Variants in RERG observed in about 807,000 individuals in gnomAD.
The protein encoded by RERG is RAS like estrogen regulated growth inhibitor, also known as ras-related and estrogen-regulated growth inhibitor.
Under a neutral mutation model 23.2 loss-of-function variants are expected in RERG, and 25 were observed. The ratio of observed to expected loss-of-function variants is 1.08; its 90% CI spans 0.79 to 1.50. The LOEUF is 1.50. Ranked by LOEUF, RERG falls within the 40% of genes most tolerant of loss-of-function variation. RERG has a pLI of 0.00. For synonymous variants in RERG, 81 were observed against 89.1 expected, an observed-to-expected ratio of 0.91 and a Z score of 0.51; for missense variants, 253 against 250.1, an observed-to-expected ratio of 1.01 and a Z score of -0.08.
At position 15,145,057 on chromosome 12, in the gene RERG, C is replaced by G. The variant is rs1203119255; in HGVS notation, c.62-23938G>C. Among the ~76,000 whole-genome samples, 3 of 152,240 alleles carry G rather than the reference C, an allele frequency of 2.0e-5. No homozygotes were observed. In the South Asian group the frequency reaches 6.2e-4, roughly 32 times the overall value. On this transcript the variant is annotated intron_variant, in intron 2 of 4. Coordinates refer to ENST00000256953, the MANE Select transcript of RERG (RefSeq NM_032918.3). Reference sequence around the variant, plus strand: ...TCCACTCCCCACAGGGAAGGTAAACCAGAGCACAGATGCAAAGAGAAATCA... The same window carrying G: ...TCCACTCCCCACAGGGAAGGTAAACGAGAGCACAGATGCAAAGAGAAATCA...
At chr12:15,204,067 G>A (rs1354909434) in intron 2 of RERG, among the ~76,000 whole-genome samples, 2 of 151,442 alleles carry the variant, frequency 1.3e-5, no homozygotes, top group African/African-American at 2.4e-5. Flanking sequence ...AATAGAAAAC[G>A]TAATTCTAAA....
intron 2 of RERG, among the ~76,000 whole-genome samples, chr12:15,166,543 AGTGGTGTTGGTG>A (rs952321692): frequency 1.8e-4 from 21 of 113,786 alleles, no homozygotes; most frequent in African/African-American, 4.0e-4. Flanking sequence ...TGGTGGTGGT[AGTGGTGTTGGTG>A]GTGGTGTTGG....
chr12:15,165,006 T>A (rs575562871), intron 2 of RERG, among the ~76,000 whole-genome samples: 2 of 152,290 alleles, frequency 1.3e-5, no homozygotes, highest in African/African-American at 4.8e-5. Context: ...CTCTTTGAGG[T>A]CTCAAACAGC....
rs149209109 is a variant in RERG, at chr12:15,202,591, C to T, written c.61+14838G>A. Among the ~76,000 whole-genome samples, 40 of 151,826 alleles carry T rather than the reference C, an allele frequency of 2.6e-4. 1 individual carries two copies. The highest frequency in any genetic ancestry group is 2.1e-3 in the Admixed American group (32 of 15,218). On this transcript the variant is annotated intron_variant, in intron 2 of 4. Coordinates refer to ENST00000256953, the MANE Select transcript of RERG (RefSeq NM_032918.3). ...CTTATTTCACTTAGCATAATGTTTT[C>T]CAGGCCCATCCATGTTGTTGCAAAT...
chr12:15,173,261 A>T (rs1166852816), intron 2 of RERG, among the ~76,000 whole-genome samples: 4 of 152,010 alleles, frequency 2.6e-5, no homozygotes, highest in Non-Finnish European at 5.9e-5. Flanking sequence ...TACCTCTGCC[A>T]AGGATCAATT....
chr12:15,133,204 A>G (rs185117940), intron 2 of RERG, among the ~76,000 whole-genome samples: 80 of 147,358 alleles, frequency 5.4e-4, no homozygotes, highest in African/African-American at 2.0e-3. Context: ...TATCATGTAG[A>G]ACAGTTTCAC....
intron 2 of RERG, 123 bp downstream of exon 2, chr12:15,217,304 TAA>T (rs1204194150): frequency 4.3e-6 from 3 of 699,854 alleles, no homozygotes; most frequent in Non-Finnish European, 7.7e-6. Flanking sequence ...AGACTTTATC[TAA>T]AAGAGTAAGA....
chr12:15,211,957 G>A (rs945088469), intron 2 of RERG, among the ~76,000 whole-genome samples: 2 of 151,398 alleles, frequency 1.3e-5, no homozygotes, highest in African/African-American at 4.9e-5. Context: ...TCACATTCAC[G>A]TGGTATGCAC....
At chr12:15,174,744 G>A (rs747436531) in intron 2 of RERG, among the ~76,000 whole-genome samples, 8 of 151,488 alleles carry the variant, frequency 5.3e-5, no homozygotes, top group Non-Finnish European at 1.0e-4. Flanking sequence ...TCTGCTCTTG[G>A]GCCTCTCTGG....
chr12:15,148,887 T>TTTTTTTTTTTTTTTTG lies in RERG; in HGVS notation c.62-27769_62-27768insCAAAAAAAAAAAAAAA, dbSNP rs1156302513. 2.4e-4 allele frequency among the ~76,000 whole-genome samples: 17 copies of TTTTTTTTTTTTTTTTG among 69,474 alleles called. 4 individuals carry two copies. The highest frequency in any genetic ancestry group is 4.3e-4 in the Non-Finnish European group (14 of 32,654). 45.6% of individuals were successfully genotyped at this position (69,474 alleles called of 152,430 possible). ...TTTTTTTTTTTTTTTTTTTTTTTTT[T>TTTTTTTTTTTTTTTTG]AGACAGAGTCTAGCTCTGTCACCCA... On this transcript the variant is annotated intron_variant, in intron 2 of 4. Transcript: ENST00000256953.
chr12:15,159,050 C>T (rs148128221), intron 2 of RERG, among the ~76,000 whole-genome samples: 84 of 152,236 alleles, frequency 5.5e-4, no homozygotes, highest in African/African-American at 1.6e-3. Flanking sequence ...TGATAATTTC[C>T]GAATGATAGT....
chr12:15,199,382 G>GT (rs1168012175), intron 2 of RERG, among the ~76,000 whole-genome samples: 2 of 150,950 alleles, frequency 1.3e-5, no homozygotes, highest in South Asian at 2.2e-4. Flanking sequence ...TTTATTTTTT[G>GT]TTTTTTGTTT....
At chr12:15,157,825 T>C (rs992488521) in intron 2 of RERG, among the ~76,000 whole-genome samples, 1 of 152,194 alleles carries the variant, frequency 6.6e-6, no homozygotes, top group Non-Finnish European at 1.5e-5. Flanking sequence ...AGAAAAAAGC[T>C]ATGAGAAAAG....
intron 2 of RERG, among the ~76,000 whole-genome samples, chr12:15,128,629 A>G (rs1166688931): frequency 1.3e-5 from 2 of 152,370 alleles, no homozygotes; most frequent in Admixed American, 6.5e-5. Flanking sequence ...AAGGGAGGCC[A>G]GATTGAGGTG....
At chr12:15,152,684 A>G (rs759391170) in intron 2 of RERG, among the ~76,000 whole-genome samples, 4 of 152,214 alleles carry the variant, frequency 2.6e-5, no homozygotes, top group Non-Finnish European at 5.9e-5. Context: ...CGCATGGACT[A>G]GGAATAGAAA....
chr12:15,139,610 T>A (rs1440019526), intron 2 of RERG, among the ~76,000 whole-genome samples: 1 of 152,206 alleles, frequency 6.6e-6, no homozygotes, highest in East Asian at 1.9e-4. Flanking sequence ...AATGTCAAAT[T>A]CCATCTGTTC....
chr12:15,161,668 C>A (rs1309552603), intron 2 of RERG, among the ~76,000 whole-genome samples: 1 of 152,116 alleles, frequency 6.6e-6, no homozygotes, highest in Non-Finnish European at 1.5e-5. Context: ...ATGTTAGGAG[C>A]CTGGACTTGA....
chr12:15,122,027 A>T (rs1591635698), intron 2 of RERG, among the ~76,000 whole-genome samples: 1 of 136,458 alleles, frequency 7.3e-6, no homozygotes, highest in South Asian at 2.4e-4. Context: ...GTGGTTTTAA[A>T]TTAAAAAAAA....
chr12:15,126,411 G>A (rs1863943401), intron 2 of RERG, among the ~76,000 whole-genome samples: 1 of 151,796 alleles, frequency 6.6e-6, no homozygotes, highest in African/African-American at 2.4e-5. Context: ...CACATACATA[G>A]ACAATGTAAT....
Sources: gnomAD v4.1 joint callset for allele counts (sites outside exome capture counted in the v4.1 genomes callset) on GRCh38, gnomAD v4.1.1 for gene constraint, MANE v1.5 for transcripts, NCBI Gene and HGNC (gene_info 2026-07-23, HGNC 2026-07-21) for gene names.